The following PPP4R3B variants were observed in gnomAD, a reference collection of about 807,000 sequenced individuals.
The protein encoded by PPP4R3B is protein phosphatase 4 regulatory subunit 3B.
In PPP4R3B, 52 loss-of-function variants were observed where a neutral mutation model predicts 95.4. The ratio of observed to expected loss-of-function variants is 0.54; its 90% confidence interval spans 0.44 to 0.69. The LOEUF (loss-of-function observed/expected upper bound fraction) is 0.69, where lower values mean the gene tolerates loss of function less well. PPP4R3B is among the 30% of genes least tolerant of loss of function. The pLI, the probability that PPP4R3B is intolerant of heterozygous loss-of-function variation, is 0.00. For synonymous variants in PPP4R3B, 407 were observed against 343.9 expected (o/e 1.18, Z -2.03); for missense variants, 1,003 against 1,005.9 (o/e 1.00, Z 0.04).
At position 55,598,264 on chromosome 2, in the gene PPP4R3B, T is replaced by G. The variant is rs907516269; in HGVS notation, c.921+152A>C. ...TGCACTAAAACCACAAGACATAAAGTCCCAATTTCTTTTGTTTACTTTAAA... is the reference window on the plus strand; with the variant it reads ...TGCACTAAAACCACAAGACATAAAGGCCCAATTTCTTTTGTTTACTTTAAA... On this transcript the variant is annotated intron_variant, in intron 4 of 16. Transcript: ENST00000616407. 3 of 777,640 alleles carry G rather than the reference T, an allele frequency of 3.9e-6. No individual in the cohort carries two copies. The African/African-American group carries it at 5.3e-5, about 14-fold the overall frequency. The allele number at this position is 777,640 out of a possible 1,614,324, so 48.2% of individuals were successfully genotyped here. A position where few individuals can be genotyped will look rare whatever the true frequency, so the allele number is the denominator to read the frequency against.
intron 10 of PPP4R3B, among the ~76,000 whole-genome samples, chr2:55,577,806 G>A (rs1486929377): frequency 6.6e-6 from 1 of 151,652 alleles, no homozygotes; most frequent in Non-Finnish European, 1.5e-5. Flanking sequence ...ATGTGTTTAT[G>A]CTTTAAATTA....
intron 10 of PPP4R3B, among the ~76,000 whole-genome samples, chr2:55,577,664 G>T (rs1263286983): frequency 6.6e-6 from 1 of 151,854 alleles, no homozygotes; most frequent in Non-Finnish European, 1.5e-5. Context: ...AACAATTAGG[G>T]TATTTCTCTT....
chr2:55,582,002 T>C (rs1166290985), intron 7 of PPP4R3B, among the ~76,000 whole-genome samples: 2 of 152,114 alleles, frequency 1.3e-5, no homozygotes, highest in African/African-American at 4.8e-5. Flanking sequence ...TAGTTCTTGT[T>C]CAGTAGAGGT....
intron 15 of PPP4R3B, 25 bp downstream of exon 15, chr2:55,564,286 CTG>C (rs1379557152): frequency 2.5e-6 from 4 of 1,592,518 alleles, no homozygotes; most frequent in Non-Finnish European, 3.4e-6. Context: ...AGAGGGTACA[CTG>C]TGCAAAAATT....
chr2:55,556,968 T>G (rs376969857), intron 16 of PPP4R3B, among the ~76,000 whole-genome samples: 4 of 152,002 alleles, frequency 2.6e-5, no homozygotes, highest in African/African-American at 9.6e-5. Context: ...GAGGCTGAGG[T>G]GGGAGGATCA....
intron 16 of PPP4R3B, among the ~76,000 whole-genome samples, chr2:55,557,723 A>C (rs1000424076): frequency 6.6e-6 from 1 of 152,156 alleles, no homozygotes; most frequent in African/African-American, 2.4e-5. Context: ...TTAGGTATGT[A>C]CTACCACGGT....
At chr2:55,570,909 G>A (rs1687913878) in intron 12 of PPP4R3B, among the ~76,000 whole-genome samples, 2 of 152,134 alleles carry the variant, frequency 1.3e-5, no homozygotes, top group African/African-American at 4.8e-5. Context: ...TGAGCAAAGA[G>A]GCACAATTCT....
At chr2:55,600,685 T>C (rs887240333) in intron 3 of PPP4R3B, among the ~76,000 whole-genome samples, 3 of 152,114 alleles carry the variant, frequency 2.0e-5, no homozygotes, top group Non-Finnish European at 4.4e-5. Flanking sequence ...GAGTTAACTT[T>C]GCTGGGCTAT....
intron 7 of PPP4R3B, 69 bp from the exon 8 acceptor site, chr2:55,581,767 C>G: frequency 2.6e-6 from 4 of 1,509,752 alleles, no homozygotes; most frequent in Non-Finnish European, 3.6e-6. Context: ...GACAAAAACA[C>G]CAACTGAAAG....
intron 6 of PPP4R3B, among the ~76,000 whole-genome samples, chr2:55,585,762 A>C (rs989638148): frequency 6.6e-6 from 1 of 152,186 alleles, no homozygotes; most frequent in South Asian, 2.1e-4. Context: ...GTGATTCTGA[A>C]AACACTCCCC....
intron 13 of PPP4R3B, chr2:55,567,940 T>C: frequency 5.0e-6 from 1 of 201,178 alleles, no homozygotes. Context: ...TATTTCACAA[T>C]TAAAAATATT....
rs559011039 is a variant in PPP4R3B, at chr2:55,617,008, G to C, written c.142+136C>G. The C allele has an allele frequency of 1.1e-5, 10 of 949,020 alleles. No individual in the cohort carries two copies. The East Asian group carries it at 1.5e-4, about 15-fold the overall frequency. The allele number at this position is 949,020 out of a possible 1,614,324, so 58.8% of individuals were successfully genotyped here. The stretch of plus-strand genomic sequence containing the variant: ...GTCAAAAGTACAGTACTTTGTTTTT[G>C]CCGTACACAAGAGCCAGTTCAGAAC... On this transcript the variant is annotated intron_variant, in intron 1 of 16. Coordinates refer to ENST00000616407, the MANE Select transcript of PPP4R3B (RefSeq NM_001122964.3).
chr2:55,550,942 C>T (rs1227282231), intron 16 of PPP4R3B, among the ~76,000 whole-genome samples: 1 of 152,162 alleles, frequency 6.6e-6, no homozygotes, highest in African/African-American at 2.4e-5. Flanking sequence ...CTTAATCACA[C>T]ACACATCTTA....
At chr2:55,607,780 T>C (rs77121714) in intron 2 of PPP4R3B, among the ~76,000 whole-genome samples, 1 of 152,188 alleles carries the variant, frequency 6.6e-6, no homozygotes, top group Non-Finnish European at 1.5e-5. Flanking sequence ...CTTCTAACCA[T>C]GCCTTGGTCC....
chr2:55,567,008 A>T (rs1167395576), intron 13 of PPP4R3B, among the ~76,000 whole-genome samples: 1 of 152,206 alleles, frequency 6.6e-6, no homozygotes, highest in Non-Finnish European at 1.5e-5. Flanking sequence ...CCTTGTCTCA[A>T]ACAAAACAAA....
chr2:55,594,948 C>T (rs377568483), intron 4 of PPP4R3B, among the ~76,000 whole-genome samples: 38 of 151,458 alleles, frequency 2.5e-4, no homozygotes, highest in African/African-American at 8.5e-4. Context: ...TGGTGGGAAA[C>T]GTCGCAAAAT....
At chr2:55,591,468 T>A (rs1691018279) in intron 4 of PPP4R3B, 1 of 946,960 alleles carries the variant, frequency 1.1e-6, no homozygotes, top group Non-Finnish European at 1.3e-6. Context: ...CTTTTAGTCT[T>A]AATATTTTAG....
intron 4 of PPP4R3B, among the ~76,000 whole-genome samples, chr2:55,592,578 A>G (rs1691187120): frequency 6.6e-6 from 1 of 152,166 alleles, no homozygotes; most frequent in Non-Finnish European, 1.5e-5. Flanking sequence ...CTGGGATGGG[A>G]AGTTAGAAAT....
intron 4 of PPP4R3B, among the ~76,000 whole-genome samples, chr2:55,595,767 C>T (rs954235659): frequency 6.7e-6 from 1 of 149,582 alleles, no homozygotes; most frequent in African/African-American, 2.4e-5. Flanking sequence ...CAGCCTCACA[C>T]TGACATCAAA....
Sources: allele counts gnomAD v4.1 joint callset (sites outside exome capture counted in the v4.1 genomes callset), GRCh38; gene constraint gnomAD v4.1.1; transcripts MANE v1.5; gene names NCBI Gene and HGNC (gene_info 2026-07-23, HGNC 2026-07-21).